CTNNA2: variants seen among roughly 807,000 people sequenced by gnomAD.
The protein encoded by CTNNA2 is catenin alpha-2.
Under a neutral mutation model 101.0 loss-of-function variants are expected in CTNNA2, and 42 were observed. The observed-to-expected ratio is 0.42, with a 90% CI of 0.32 to 0.54. CTNNA2 has a LOEUF of 0.54. CTNNA2 is among the 20% of genes least tolerant of loss of function. The probability of loss-of-function intolerance (pLI) is 0.14; values close to 1 mark genes in which losing one functional copy is unlikely to be tolerated. For missense variants in CTNNA2, 871 were observed against 1,223.1 expected (o/e 0.71, Z 4.29); for synonymous variants, 450 against 456.4 (o/e 0.99, Z 0.18).
At chr2:80,571,557 C>T (rs1026113296) in intron 12 of CTNNA2, among the ~76,000 whole-genome samples, 1 of 149,924 alleles carries the variant, frequency 6.7e-6, no homozygotes, top group East Asian at 1.9e-4. Context: ...CATGTAAGAA[C>T]ATGTACAAAT....
At chr2:80,549,054 G>A (rs1692334953) in intron 11 of CTNNA2, among the ~76,000 whole-genome samples, 1 of 152,084 alleles carries the variant, frequency 6.6e-6, no homozygotes, top group South Asian at 2.1e-4. Context: ...CAACAAGTTT[G>A]GGGAGCAATG....
At position 79,651,516 on chromosome 2, in the gene CTNNA2, A is replaced by T. The variant is rs776592033; in HGVS notation, c.-5-36A>T. 2.6e-6 allele frequency: 4 copies of T among 1,561,358 alleles called. No individual in the cohort carries two copies. The South Asian group carries it at 3.3e-5, about 13-fold the overall frequency. ...ACCAAAGTTACAATTTATTTCAAAGATGATTATTTCTAACTGATTACATGT... is the reference window on the plus strand; with the variant it reads ...ACCAAAGTTACAATTTATTTCAAAGTTGATTATTTCTAACTGATTACATGT... On this transcript the variant is annotated intron_variant, in intron 1 of 18. Transcript: ENST00000402739.
At chr2:80,565,639 GT>G (rs1384327596) in intron 12 of CTNNA2, among the ~76,000 whole-genome samples, 1 of 151,780 alleles carries the variant, frequency 6.6e-6, no homozygotes, top group Non-Finnish European at 1.5e-5. Context: ...AAGTCATGGT[GT>G]GAAGACAGCC....
In CTNNA2 at chr2:80,647,514, A is replaced by C. The variant is rs1014716527; in HGVS notation, c.2575-71A>C. 3 of 1,244,164 alleles carry C rather than the reference A, an allele frequency of 2.4e-6. No homozygotes were observed. The East Asian group carries it at 7.1e-5, about 29-fold the overall frequency. 77.1% of individuals were successfully genotyped at this position (1,244,164 alleles called of 1,614,324 possible). Reference sequence around the variant, plus strand: ...AAGGAAAACATTATTTTAACCGTGAAAGTACATCACCATTTTGTGAATTTG... The same window carrying C: ...AAGGAAAACATTATTTTAACCGTGACAGTACATCACCATTTTGTGAATTTG... On this transcript the variant is annotated intron_variant, in intron 18 of 18. Transcript: ENST00000402739.
At chr2:79,354,058 G>C (rs953952463) in intron 3 of CTNNA2, among the ~76,000 whole-genome samples, 5 of 152,068 alleles carry the variant, frequency 3.3e-5, no homozygotes, top group African/African-American at 7.2e-5. Flanking sequence ...GACTGTTGGA[G>C]TTCTCTCTGT....
At chr2:80,559,114 G>T (rs1471143466) in intron 12 of CTNNA2, among the ~76,000 whole-genome samples, 2 of 152,116 alleles carry the variant, frequency 1.3e-5, no homozygotes, top group Non-Finnish European at 2.9e-5. Context: ...AAGGAAGTGG[G>T]TCCTGGTGGG....
intron 7 of CTNNA2, among the ~76,000 whole-genome samples, chr2:80,071,362 T>C (rs1698329599): frequency 6.6e-6 from 1 of 152,250 alleles, no homozygotes; most frequent in African/African-American, 2.4e-5. Context: ...TCCCGCTCTG[T>C]TGAATGTCTT....
chr2:80,158,552 A>T (rs750645050), intron 7 of CTNNA2, among the ~76,000 whole-genome samples: 2 of 152,184 alleles, frequency 1.3e-5, no homozygotes, highest in Non-Finnish European at 2.9e-5. Flanking sequence ...TGCCAGCCTC[A>T]TCCCCTCCTT....
chr2:79,528,442 C>T (rs1016929175), intron 1 of CTNNA2, among the ~76,000 whole-genome samples: 1 of 151,780 alleles, frequency 6.6e-6, no homozygotes, highest in African/African-American at 2.4e-5. Flanking sequence ...TGAGAGTTTT[C>T]GTTTTGAGAT....
chr2:79,785,489 C>T (rs1230520342), intron 3 of CTNNA2, among the ~76,000 whole-genome samples: 1 of 152,162 alleles, frequency 6.6e-6, no homozygotes, highest in Non-Finnish European at 1.5e-5. Context: ...CGAGGCCTCC[C>T]ATGACCATCC....
At chr2:79,624,659 T>C (rs953049898) in intron 1 of CTNNA2, among the ~76,000 whole-genome samples, 9 of 152,178 alleles carry the variant, frequency 5.9e-5, no homozygotes, top group African/African-American at 2.2e-4. Flanking sequence ...ATTCAATCAA[T>C]ATTGATTGAA....
intron 1 of CTNNA2, among the ~76,000 whole-genome samples, chr2:79,565,432 G>A (rs564808800): frequency 1.3e-5 from 2 of 152,152 alleles, no homozygotes; most frequent in South Asian, 4.2e-4. Context: ...GTGCGGTCCA[G>A]TCAGAAGTTC....
rs62140152 is a variant in CTNNA2, at chr2:79,757,391, G to C, written c.298+12809G>C. On this transcript the variant is annotated intron_variant, in intron 3 of 18. Transcript: ENST00000402739. ...GCAAAGAATGGTAAATTATACATCT[G>C]TATGAATAAGAATCAGAAATCTAGT... Among the ~76,000 whole-genome samples, 781 of 152,278 alleles carry C rather than the reference G, an allele frequency of 5.1e-3. 5 individuals carry two copies. Among genetic ancestry groups the C allele is most frequent in the Non-Finnish European group, 8.6e-3 (582 of 68,016 alleles).
At chr2:79,712,527 A>T (rs1685807584) in intron 2 of CTNNA2, among the ~76,000 whole-genome samples, 1 of 152,140 alleles carries the variant, frequency 6.6e-6, no homozygotes, top group Non-Finnish European at 1.5e-5. Flanking sequence ...GCGAAGGAAA[A>T]ATCATTCCCC....
intron 7 of CTNNA2, among the ~76,000 whole-genome samples, chr2:79,918,708 T>C (rs1686431836): frequency 6.6e-6 from 1 of 152,174 alleles, no homozygotes; most frequent in East Asian, 1.9e-4. Context: ...GGTTGCCAGG[T>C]ACTTGGTAGA....
rs70940029 is a variant in CTNNA2 at position 79,338,578 on chromosome 2, ATCTTCTTCT to A, written c.-318+25839_-318+25847del. ...TTTCTTCTTCTTCTTCCTCCTCATC[ATCTTCTTCT>A]TCTTCTTCTTCTTCTTCTTCTTCTT... On this transcript the variant is annotated intron_variant, in intron 3 of 21. Transcript: ENST00000466387. 3.8e-3 allele frequency among the ~76,000 whole-genome samples: 445 copies of A among 117,778 alleles called. 3 individuals carry two copies. Among genetic ancestry groups the A allele is most frequent in the African/African-American group, 0.012 (351 of 29,954 alleles). 77.3% of individuals were successfully genotyped at this position (117,778 alleles called of 152,430 possible). A position where few individuals can be genotyped will look rare whatever the true frequency, so the allele number is the denominator to read the frequency against.
Position 79,769,000 on chromosome 2 carries a change from G to A in CTNNA2, c.298+24418G>A, listed in dbSNP as rs529219510. Among the ~76,000 whole-genome samples, 432 of 152,162 alleles carry A rather than the reference G, an allele frequency of 2.8e-3. 1 individual carries two copies. Among genetic ancestry groups the A allele is most frequent in the African/African-American group, 9.8e-3 (406 of 41,520 alleles). ...CTCCTGAGTAGCTGGGACTATAGGT[G>A]CCCGCCACCACGCCTGGCTAATTTT... is the stretch of plus-strand genomic sequence containing the variant. On this transcript the variant is annotated intron_variant, in intron 3 of 18. Transcript: ENST00000402739.
chr2:79,677,219 T>A (rs942128932), intron 2 of CTNNA2, among the ~76,000 whole-genome samples: 1 of 152,182 alleles, frequency 6.6e-6, no homozygotes, highest in Admixed American at 6.5e-5. Flanking sequence ...GGGACCCTTT[T>A]CTCAGAGTCT....
intron 4 of CTNNA2, among the ~76,000 whole-genome samples, chr2:79,490,284 C>G (rs1054299384): frequency 6.6e-6 from 1 of 152,072 alleles, no homozygotes; most frequent in African/African-American, 2.4e-5. Context: ...CTTCAAATAC[C>G]GGTCTGTCTT....
Sources: gnomAD v4.1 joint callset for allele counts (sites outside exome capture counted in the v4.1 genomes callset) on GRCh38, gnomAD v4.1.1 for gene constraint, MANE v1.5 for transcripts, NCBI Gene and HGNC (gene_info 2026-07-23, HGNC 2026-07-21) for gene names.